CCDC141: variants seen among roughly 807,000 people sequenced by gnomAD.
CCDC141 encodes coiled-coil domain containing 141.
A neutral mutation model predicts 181.0 loss-of-function variants in CCDC141; 168 were observed. The ratio of observed to expected loss-of-function variants is 0.93; its 90% confidence interval spans 0.82 to 1.05. CCDC141 has a LOEUF of 1.05. Among genes scored for constraint, CCDC141 ranks in the 50% least tolerant of loss-of-function variants. The pLI is 0.00. For missense variants in CCDC141, 1,902 were observed against 1,788.5 expected (o/e 1.06, Z -1.14); for synonymous variants, 666 against 642.3 (o/e 1.04, Z -0.56).
rs998732298 is a variant in CCDC141 at position 178,975,075 on chromosome 2, G to A, written c.508C>T (p.His170Tyr). 3.8e-5 allele frequency: 58 copies of A among 1,507,476 alleles called. No individual in the cohort carries two copies. The highest frequency in any genetic ancestry group is 2.0e-4 in the Admixed American group (10 of 49,730). The allele number at this position is 1,507,476 out of a possible 1,614,324, so 93.4% of individuals were successfully genotyped here. A position where few individuals can be genotyped will look rare whatever the true frequency, so the allele number is the denominator to read the frequency against. ...AESLKSLLQL[H>Y]EHHTKELLER... The stretch of plus-strand genomic sequence containing the variant: ...TTCTTGCCTTTAGTATGATGTTCAT[G>A]AAGCTGAAGAAGTGATTTTAAGGAC... Residue 170 changes from histidine (H) to tyrosine (Y), a missense_variant, in exon 4 of 24, where the codon CAT becomes TAT. Physicochemically the swap from His to Tyr is moderately conservative, Grantham distance 83. Coordinates refer to ENST00000443758, the MANE Select transcript of CCDC141 (RefSeq NM_173648.4).
chr2:178,918,976 A>T (rs1688573128), intron 6 of CCDC141, 69 bp from the exon 7 acceptor site: 5 of 1,350,760 alleles, frequency 3.7e-6, no homozygotes, highest in Non-Finnish European at 5.0e-6. Flanking sequence ...TGTCCCCCCG[A>T]AATTCCTCTG....
intron 4 of CCDC141, among the ~76,000 whole-genome samples, chr2:178,962,248 A>G (rs2154379059): frequency 6.6e-6 from 1 of 152,288 alleles, no homozygotes; most frequent in South Asian, 2.1e-4. Flanking sequence ...ACCAAGGGAG[A>G]AAGTGTAGAA....
intron 7 of CCDC141, among the ~76,000 whole-genome samples, chr2:178,914,040 G>T (rs934625418): frequency 1.3e-5 from 2 of 152,128 alleles, no homozygotes; most frequent in Admixed American, 6.5e-5. Context: ...TACGTTTGGG[G>T]TGATCAATAA....
chr2:178,829,264 G>C (rs908018794), downstream of CCDC141, among the ~76,000 whole-genome samples: 1 of 152,206 alleles, frequency 6.6e-6, no homozygotes, highest in Non-Finnish European at 1.5e-5. Context: ...AAGGAAGATA[G>C]GAAGTTAATT....
intron 6 of CCDC141, among the ~76,000 whole-genome samples, chr2:178,933,471 C>G (rs991843486): frequency 6.6e-6 from 1 of 152,092 alleles, no homozygotes; most frequent in African/African-American, 2.4e-5. Flanking sequence ...TCTAACAACT[C>G]TCTGATGTTG....
chr2:178,964,753 T>C (rs995195333), intron 4 of CCDC141, among the ~76,000 whole-genome samples: 1 of 152,200 alleles, frequency 6.6e-6, no homozygotes, highest in African/African-American at 2.4e-5. Context: ...CAAAGTGATG[T>C]GTTTTTCCCC....
chr2:178,986,872 C>A (rs1417029083), intron 2 of CCDC141, among the ~76,000 whole-genome samples: 1 of 151,444 alleles, frequency 6.6e-6, no homozygotes, highest in African/African-American at 2.4e-5. Context: ...GAATCAATAT[C>A]GTGAAAATGG....
chr2:178,933,963 G>GT (rs1553486117), intron 6 of CCDC141, among the ~76,000 whole-genome samples: 3 of 152,140 alleles, frequency 2.0e-5, no homozygotes, highest in Admixed American at 6.6e-5. Context: ...AAATCTTCTA[G>GT]TTTTTTTAAA....
intron 2 of CCDC141, among the ~76,000 whole-genome samples, chr2:179,015,611 TATAGCTC>T (rs201053794): frequency 0.33 from 21,136 of 64,716 alleles, 8,053 homozygotes; most frequent in East Asian, 0.49. Flanking sequence ...ATATATCTCA[TATAGCTC>T]ATATATATCT....
At chr2:178,989,827 CT>C (rs1691957531) in intron 2 of CCDC141, among the ~76,000 whole-genome samples, 2 of 98,170 alleles carry the variant, frequency 2.0e-5, no homozygotes, top group Admixed American at 1.2e-4. Context: ...TAGCTATAAT[CT>C]TAAAAAAAAA....
intron 8 of CCDC141, among the ~76,000 whole-genome samples, chr2:178,904,611 G>T (rs543160433): frequency 1.6e-4 from 24 of 152,148 alleles, no homozygotes; most frequent in Non-Finnish European, 2.9e-4. Flanking sequence ...TGTGAAAAAT[G>T]TAAGCCCTGC....
At chr2:178,995,200 A>G (rs1575321606) in intron 2 of CCDC141, among the ~76,000 whole-genome samples, 2 of 152,300 alleles carry the variant, frequency 1.3e-5, no homozygotes, top group African/African-American at 4.8e-5. Context: ...TGAGACAGGG[A>G]AATTTAAAAG....
intron 8 of CCDC141, among the ~76,000 whole-genome samples, chr2:178,900,381 T>A (rs1687627825): frequency 6.6e-6 from 1 of 152,186 alleles, no homozygotes. Context: ...AAGACTAGTG[T>A]CAAGGGAGTT....
chr2:178,992,585 T>A (rs1168747490), intron 2 of CCDC141, among the ~76,000 whole-genome samples: 3 of 152,190 alleles, frequency 2.0e-5, no homozygotes, highest in African/African-American at 7.2e-5. Flanking sequence ...GCCAGACTTG[T>A]ATGCAATTAG....
Position 178,970,647 on chromosome 2 carries a change from G to C in CCDC141, c.526+4410C>G, listed in dbSNP as rs1367666733. Among the ~76,000 whole-genome samples the C allele has an allele frequency of 2.0e-5, 3 of 152,240 alleles. No individual in the cohort carries two copies. The East Asian group carries it at 5.8e-4, about 29-fold the overall frequency. On this transcript the variant is annotated intron_variant, in intron 4 of 23. Coordinates refer to ENST00000443758, the MANE Select transcript of CCDC141 (RefSeq NM_173648.4). ...AGATGAATCAAAGACTTAAATGTAA[G>C]ACCTAGGACCATAAAAATCCTAGAA... is the stretch of plus-strand genomic sequence containing the variant.
the CCDC141 span, among the ~76,000 whole-genome samples, chr2:178,818,854 A>G: frequency 6.6e-6 from 1 of 152,180 alleles, no homozygotes; most frequent in Non-Finnish European, 1.5e-5. Flanking sequence ...GAATCACCAC[A>G]CTGTCTTCCA....
rs1005731553 is a variant in CCDC141 at position 179,037,167 on chromosome 2, G to C, written c.225+10117C>G. On this transcript the variant is annotated intron_variant, in intron 2 of 23. Transcript: ENST00000443758. ...AGAACCTGCAACCCATAGTTCAGTG[G>C]ATCTGTGGAAAGAGCCCTTGAGGCT... Among the ~76,000 whole-genome samples the C allele has an allele frequency of 3.9e-5, 6 of 152,188 alleles. No homozygotes were observed. The East Asian group carries it at 9.6e-4, about 24-fold the overall frequency.
At position 178,843,021 on chromosome 2, in the gene CCDC141, C is replaced by G. The variant is rs148077007; in HGVS notation, c.3474+2605G>C. ...AGTGCAGGGACCCTCCTCACCTAGT[C>G]TGATAAGAGCACTCCACTGAATTCT... On this transcript the variant is annotated intron_variant, in intron 22 of 23. Coordinates refer to ENST00000443758, the MANE Select transcript of CCDC141 (RefSeq NM_173648.4). Among the ~76,000 whole-genome samples, 269 of 152,190 alleles carry G rather than the reference C, an allele frequency of 1.8e-3. 3 individuals are homozygous for G. The highest frequency in any genetic ancestry group is 5.9e-3 in the African/African-American group (245 of 41,528).
intron 2 of CCDC141, among the ~76,000 whole-genome samples, chr2:178,989,854 A>T (rs1241384754): frequency 2.8e-5 from 4 of 144,136 alleles, no homozygotes; most frequent in African/African-American, 7.5e-5. Flanking sequence ...AAAAAAAAAA[A>T]GGAGGCCGGG....
Sources: allele counts gnomAD v4.1 joint callset (sites outside exome capture counted in the v4.1 genomes callset), GRCh38; gene constraint gnomAD v4.1.1; transcripts MANE v1.5; gene names NCBI Gene and HGNC (gene_info 2026-07-23, HGNC 2026-07-21).